The following ST14 variants were observed in gnomAD, a reference collection of about 807,000 sequenced individuals.
The protein encoded by ST14 is ST14 transmembrane serine protease matriptase, also known as suppressor of tumorigenicity 14 protein.
ST14 carries 40 observed loss-of-function variants against 96.5 expected under a neutral mutation model. That is an observed-to-expected ratio of 0.41 (90% CI 0.32 to 0.54). The LOEUF is 0.54. ST14 is among the 20% of genes least tolerant of loss of function. The pLI is 0.17. For synonymous variants in ST14, 506 were observed against 492.1 expected (o/e 1.03, Z -0.37); for missense variants, 1,066 against 1,188.9 (o/e 0.90, Z 1.52).
chr11:130,176,573 A>G (rs1484275384), intron 1 of ST14, among the ~76,000 whole-genome samples: 1 of 151,522 alleles, frequency 6.6e-6, no homozygotes, highest in Non-Finnish European at 1.5e-5. Context: ...TATTTTTAGT[A>G]GAGATGGGGT....
chr11:130,192,474 C>T (rs956704728), intron 7 of ST14, among the ~76,000 whole-genome samples: 6 of 152,116 alleles, frequency 3.9e-5, no homozygotes, highest in African/African-American at 9.7e-5. Flanking sequence ...CCGCAACCTC[C>T]GCCTCCTGGG....
Position 130,194,646 on chromosome 11 carries a change from G to A in ST14, c.1022G>A (p.Gly341Glu), listed in dbSNP as rs1257194363. Reference protein sequence around the residue: ...FFQLPRMSSCGGRLRKAQGTF... With the variant: ...FFQLPRMSSCEGRLRKAQGTF... Reference sequence around the variant, plus strand: ...CTCCCACCTTCCCTCTCAGGCTGTGGAGGCCGCTTACGTAAAGCCCAGGGG... The same window carrying A: ...CTCCCACCTTCCCTCTCAGGCTGTGAAGGCCGCTTACGTAAAGCCCAGGGG... The change falls in exon 9 of 19, where the codon GGA becomes GAA. Residue 341 changes from glycine to glutamate, a missense_variant. Coordinates refer to ENST00000278742, the MANE Select transcript of ST14 (RefSeq NM_021978.4). 1.9e-6 allele frequency: 3 copies of A among 1,614,080 alleles called. No individual in the cohort carries two copies. Among genetic ancestry groups the A allele is most frequent in the Admixed American group, 1.7e-5 (1 of 60,002 alleles).
chr11:130,199,986 G>A lies in ST14; in HGVS notation c.1843G>A (p.Val615Ile). 6.2e-7 allele frequency: 1 copy of A among 1,614,202 alleles called. No homozygotes were observed. The highest frequency in any genetic ancestry group is 8.5e-7 in the Non-Finnish European group (1 of 1,180,044). Residue 615 changes from valine (V) to isoleucine (I), a missense_variant, in exon 16 of 19, where the codon GTT (valine) becomes ATT (isoleucine). By Grantham distance (29) the Val-to-Ile change is conservative. Transcript: ENST00000278742. Reference protein sequence around the residue: ...GLRSFTRQARVVGGTDADEGE... With the variant: ...GLRSFTRQARIVGGTDADEGE... ...GCGGTCATTCACGAGACAGGCTCGT[G>A]TTGTTGGGGGCACGGATGCGGATGA...
intron 1 of ST14, among the ~76,000 whole-genome samples, chr11:130,171,080 C>T (rs1953088115): frequency 6.6e-6 from 1 of 152,180 alleles, no homozygotes; most frequent in Non-Finnish European, 1.5e-5. Context: ...CGAATGACAG[C>T]AAGATAGTGT....
chr11:130,189,440 C>T, intron 4 of ST14: 1 of 514,314 alleles, frequency 1.9e-6, no homozygotes, highest in South Asian at 2.2e-5. Flanking sequence ...AGGAAGGTGA[C>T]ACTCGGTGTG....
intron 17 of ST14, 49 bp downstream of exon 17, chr11:130,208,733 T>C: frequency 1.3e-6 from 2 of 1,573,862 alleles, no homozygotes; most frequent in Non-Finnish European, 1.7e-6. Context: ...GGGGCCTTTC[T>C]CCAAGGCCGT....
intron 17 of ST14, 136 bp from the exon 18 acceptor site, chr11:130,209,306 G>C: frequency 8.5e-7 from 1 of 1,180,862 alleles, no homozygotes; most frequent in Non-Finnish European, 1.2e-6. Context: ...CTGAGTAGAC[G>C]CGGATTACCC....
intron 1 of ST14, among the ~76,000 whole-genome samples, chr11:130,186,726 G>A (rs1318019465): frequency 6.6e-6 from 1 of 152,206 alleles, no homozygotes; most frequent in Admixed American, 6.5e-5. Flanking sequence ...ACTATTGGGA[G>A]GATGGGGAGA....
rs575817518 is a variant in ST14 at position 130,193,591 on chromosome 11, T to A, written c.876-558T>A. ...TTCCGGTGATTCTCCTGCCTCAGCC[T>A]CTGGAGTAGCTGGGATTACAGGCGT... On this transcript the variant is annotated intron_variant, in intron 7 of 18. Transcript: ENST00000278742. Among the ~76,000 whole-genome samples the A allele has an allele frequency of 4.6e-5, 7 of 152,162 alleles. No individual in the cohort carries two copies. In the South Asian group the frequency reaches 1.5e-3, roughly 32 times the overall value.
chr11:130,190,379 C>A, intron 6 of ST14, 75 bp from the exon 7 acceptor site: 2 of 1,593,316 alleles, frequency 1.3e-6, no homozygotes, highest in East Asian at 2.2e-5. Context: ...TCCACACCCA[C>A]GGGGTCTCAG....
chr11:130,174,987 C>T (rs1048169828), intron 1 of ST14, among the ~76,000 whole-genome samples: 4 of 152,164 alleles, frequency 2.6e-5, no homozygotes, highest in African/African-American at 7.2e-5. Context: ...CTGATAATTA[C>T]GCGTCTAGTA....
In ST14 at chr11:130,188,361, G is replaced by C; in HGVS notation, c.241+88G>C. 6.3e-7 allele frequency: 1 copy of C among 1,580,290 alleles called. No individual in the cohort carries two copies. Among genetic ancestry groups the C allele is most frequent in the South Asian group, 1.2e-5 (1 of 85,966 alleles). On this transcript the variant is annotated intron_variant, in intron 2 of 18. Coordinates refer to ENST00000278742, the MANE Select transcript of ST14 (RefSeq NM_021978.4). The surrounding 1 kb of genome is among the most constrained non-coding windows in gnomAD (Gnocchi z 5.4). ...GCGGACAGACCCAGGGCCACCTACT[G>C]AGTACACGAGGATCTCTTGGCCTCT...
intron 7 of ST14, among the ~76,000 whole-genome samples, chr11:130,191,550 T>A (rs534545560): frequency 6.6e-6 from 1 of 150,964 alleles, no homozygotes; most frequent in Non-Finnish European, 1.5e-5. Context: ...ATCAGCTGGG[T>A]GTGGTGGCGG....
chr11:130,185,140 C>T (rs1953225850), intron 1 of ST14, among the ~76,000 whole-genome samples: 1 of 152,002 alleles, frequency 6.6e-6, no homozygotes, highest in Non-Finnish European at 1.5e-5. Context: ...AGAAAAGATA[C>T]TCAATGGAAA....
At chr11:130,207,159 T>C (rs1271055072) in intron 16 of ST14, among the ~76,000 whole-genome samples, 3 of 152,192 alleles carry the variant, frequency 2.0e-5, no homozygotes, top group Non-Finnish European at 4.4e-5. Flanking sequence ...AATCAGCTGT[T>C]TTTCCAAGGA....
intron 7 of ST14, among the ~76,000 whole-genome samples, chr11:130,192,534 A>G (rs1230261159): frequency 1.3e-5 from 2 of 152,150 alleles, no homozygotes; most frequent in Non-Finnish European, 1.5e-5. Context: ...GATTACAGGC[A>G]TGCGCCACAA....
In ST14 at chr11:130,190,434, CCTT is replaced by C. The variant is rs1953284985; in HGVS notation, c.635-16_635-14del. The C allele has an allele frequency of 6.2e-7, 1 of 1,605,060 alleles. No homozygotes were observed. The highest frequency in any genetic ancestry group is 1.1e-5 in the South Asian group (1 of 91,088). On this transcript the variant is annotated splice_polypyrimidine_tract_variant and intron_variant, in intron 6 of 18. Transcript: ENST00000278742. ...CCAGCCCTGCCCCCACACGTGCCCT[CCTT>C]CTTGTCTCCTGCGCAGACAGCTGCA...
chr11:130,193,438 C>A (rs866504989), intron 7 of ST14, among the ~76,000 whole-genome samples: 2 of 151,326 alleles, frequency 1.3e-5, no homozygotes, highest in African/African-American at 2.4e-5. Context: ...TTTAATAAAT[C>A]CTCTGTTGTG....
At chr11:130,171,941 C>T (rs1349662447) in intron 1 of ST14, among the ~76,000 whole-genome samples, 1 of 152,194 alleles carries the variant, frequency 6.6e-6, no homozygotes, top group Non-Finnish European at 1.5e-5. Flanking sequence ...ACCCTCCTGC[C>T]CTGGCCTGGG....
Sources: gnomAD v4.1 joint callset for allele counts (sites outside exome capture counted in the v4.1 genomes callset) on GRCh38, gnomAD v4.1.1 for gene constraint, Gnocchi (gnomAD v3.1) non-coding constraint, MANE v1.5 for transcripts, NCBI Gene and HGNC (gene_info 2026-07-23, HGNC 2026-07-21) for gene names.